The following OTUB2 variants were observed in gnomAD, a reference collection of about 807,000 sequenced individuals.
The protein encoded by OTUB2 is ubiquitin thioesterase OTUB2.
In OTUB2, 21 loss-of-function variants were observed where a neutral mutation model predicts 25.1. That is an observed-to-expected ratio of 0.84 (90% CI 0.59 to 1.21). OTUB2 has a LOEUF of 1.21. Ranked by LOEUF, OTUB2 falls within the 50% of genes most tolerant of loss-of-function variation. The probability of loss-of-function intolerance (pLI) is 0.00; values close to 1 mark genes in which losing one functional copy is unlikely to be tolerated. For synonymous variants in OTUB2, 122 were observed against 122.8 expected (o/e 0.99, Z 0.04); for missense variants, 283 against 298.0 (o/e 0.95, Z 0.37).
intron 2 of OTUB2, among the ~76,000 whole-genome samples, 187 bp from the exon 3 acceptor site, chr14:94,038,776 C>T (rs1885104942): frequency 6.6e-6 from 1 of 152,200 alleles, no homozygotes; most frequent in Admixed American, 6.5e-5. Context: ...GACGGACACA[C>T]AGGACAATGC....
chr14:94,026,674 C>T (rs1188606729), intron 1 of OTUB2, 134 bp downstream of exon 1: 2 of 969,034 alleles, frequency 2.1e-6, no homozygotes. Flanking sequence ...CCGCCGCTTT[C>T]CGACCCCCTG....
intron 1 of OTUB2, among the ~76,000 whole-genome samples, chr14:94,033,855 T>TA (rs1386652791): frequency 6.6e-6 from 1 of 152,194 alleles, no homozygotes; most frequent in African/African-American, 2.4e-5. Context: ...TAGCACGCAG[T>TA]ATGAGGGCCA....
At position 94,047,725 on chromosome 14, in the gene OTUB2, C is replaced by G. The variant is rs927214429; in HGVS notation, c.*1803C>G. 6.6e-6 allele frequency: 1 copy of G among 152,244 alleles called. No homozygotes were observed. The highest frequency in any genetic ancestry group is 2.4e-5 in the African/African-American group (1 of 41,452). 9.4% of individuals were successfully genotyped at this position (152,244 alleles called of 1,614,324 possible). On this transcript the variant is annotated 3_prime_UTR_variant, in exon 6 of 6. Transcript: ENST00000203664. ...GGCTGTAAGGTGGGCTCTGGGCCTT[C>G]CAGCTAGGCTCTCAAGCACAGCAGA... is the stretch of plus-strand genomic sequence containing the variant.
At chr14:94,044,400 A>C (rs1183551442) in intron 4 of OTUB2, among the ~76,000 whole-genome samples, 186 bp from the exon 5 acceptor site, 1 of 152,216 alleles carries the variant, frequency 6.6e-6, no homozygotes, top group Non-Finnish European at 1.5e-5. Flanking sequence ...TACAAACTGC[A>C]AAGTCTTGCT....
In OTUB2 at chr14:94,026,500, T is replaced by A; in HGVS notation, c.-38T>A. 3 of 1,310,494 alleles carry A rather than the reference T, an allele frequency of 2.3e-6. No individual in the cohort carries two copies. Among genetic ancestry groups the A allele is most frequent in the Non-Finnish European group, 2.9e-6 (3 of 1,023,440 alleles). 81.2% of individuals were successfully genotyped at this position (1,310,494 alleles called of 1,614,324 possible). On this transcript the variant is annotated 5_prime_UTR_variant, in exon 1 of 6. Transcript: ENST00000203664. The stretch of plus-strand genomic sequence containing the variant: ...CGGCATTCCCGCACCGGATCGCTCC[T>A]CGCTGGGGCGGGACCTGGCCTGGCG...
intron 1 of OTUB2, among the ~76,000 whole-genome samples, chr14:94,028,978 A>G (rs6575384): frequency 0.59 from 89,638 of 151,984 alleles, 28,557 homozygotes; most frequent in African/African-American, 0.85. Flanking sequence ...GGTCAAGAAT[A>G]GGGGATTTTG....
At position 94,048,714 on chromosome 14, in the gene OTUB2, C is replaced by T. The variant is rs1174979184; in HGVS notation, c.*2792C>T. 1 of 152,158 alleles carries T rather than the reference C, an allele frequency of 6.6e-6. No individual in the cohort carries two copies. The highest frequency in any genetic ancestry group is 1.9e-4 in the East Asian group (1 of 5,180). The allele number at this position is 152,158 out of a possible 1,614,324, so 9.4% of individuals were successfully genotyped here. A position where few individuals can be genotyped will look rare whatever the true frequency, so the allele number is the denominator to read the frequency against. ...GGGAAGCATGTCACCTTGGCAGTGA[C>T]TCGGTGGCTTCCCAAGCAGGAGTGT... On this transcript the variant is annotated 3_prime_UTR_variant, in exon 6 of 6. Transcript: ENST00000203664.
Position 94,048,852 on chromosome 14 carries a change from G to A in OTUB2, c.*2930G>A, listed in dbSNP as rs1186523045. ...GTGGCTTCCAGGGGCCCCAGGCCCT[G>A]CTGGATGTGGGCCAAGCCCTACAGC... is the stretch of plus-strand genomic sequence containing the variant. On this transcript the variant is annotated 3_prime_UTR_variant, in exon 6 of 6. Transcript: ENST00000203664. 6.6e-6 allele frequency: 1 copy of A among 152,290 alleles called. No individual in the cohort carries two copies. The allele number at this position is 152,290 out of a possible 1,614,324, so 9.4% of individuals were successfully genotyped here.
In OTUB2 at chr14:94,044,159, A is replaced by G. The variant is rs572634847; in HGVS notation, c.303+104A>G. ...CAGCTCTGCTCCTCCTGGCTGGGGA[A>G]GGACAGAGGGTTCCTTCCTGCTTGT... On this transcript the variant is annotated intron_variant, in intron 4 of 5. Coordinates refer to ENST00000203664, the MANE Select transcript of OTUB2 (RefSeq NM_023112.4). The G allele has an allele frequency of 7.5e-6, 9 of 1,194,328 alleles. 1 individual carries two copies. The South Asian group carries it at 9.8e-5, about 13-fold the overall frequency. 74.0% of individuals were successfully genotyped at this position (1,194,328 alleles called of 1,614,324 possible).
In OTUB2 at chr14:94,048,022, A is replaced by T. The variant is rs187511619; in HGVS notation, c.*2100A>T. 1 of 152,226 alleles carries T rather than the reference A, an allele frequency of 6.6e-6. No homozygotes were observed. The highest frequency in any genetic ancestry group is 1.5e-5 in the Non-Finnish European group (1 of 68,014). 9.4% of individuals were successfully genotyped at this position (152,226 alleles called of 1,614,324 possible). On this transcript the variant is annotated 3_prime_UTR_variant, in exon 6 of 6. Transcript: ENST00000203664. ...TCTGCTTTTCCCCTTTTTGCAAAAA[A>T]CCACTGGCCAAATCCGAACCATTGC...
intron 1 of OTUB2, among the ~76,000 whole-genome samples, chr14:94,035,912 A>C (rs1885047443): frequency 6.6e-6 from 1 of 152,186 alleles, no homozygotes; most frequent in Non-Finnish European, 1.5e-5. Flanking sequence ...ACCCCTGCCC[A>C]GTCCCAGCTT....
chr14:94,030,583 G>A (rs1386433216), intron 1 of OTUB2, among the ~76,000 whole-genome samples: 1 of 151,798 alleles, frequency 6.6e-6, no homozygotes, highest in Admixed American at 6.6e-5. Flanking sequence ...ACCCGGGGGG[G>A]AAGCCTCAGT....
At chr14:94,027,159 G>A (rs1217018094) in intron 1 of OTUB2, among the ~76,000 whole-genome samples, 1 of 152,260 alleles carries the variant, frequency 6.6e-6, no homozygotes, top group Non-Finnish European at 1.5e-5. Context: ...AGCCTTGTCT[G>A]CGCAGAACGA....
chr14:94,026,752 G>A (rs927518353), intron 1 of OTUB2, among the ~76,000 whole-genome samples: 1 of 152,150 alleles, frequency 6.6e-6, no homozygotes, highest in Non-Finnish European at 1.5e-5. Flanking sequence ...ATGTGCAGCT[G>A]AGGAGGTCCA....
intron 5 of OTUB2, 22 bp downstream of exon 5, chr14:94,044,802 C>A: frequency 6.3e-7 from 1 of 1,597,406 alleles, no homozygotes; most frequent in Admixed American, 1.7e-5. Flanking sequence ...GGGTCTCAGC[C>A]CCAGCCCTGG....
At chr14:94,041,601 A>G (rs1885162822) in intron 3 of OTUB2, among the ~76,000 whole-genome samples, 1 of 152,000 alleles carries the variant, frequency 6.6e-6, no homozygotes, top group African/African-American at 2.4e-5. Context: ...CCCAAGCTTG[A>G]AATATGCCCC....
chr14:94,044,834 C>A, intron 5 of OTUB2, 54 bp downstream of exon 5: 1 of 1,536,280 alleles, frequency 6.5e-7, no homozygotes, highest in African/African-American at 1.4e-5. Context: ...GTGGCCCTGT[C>A]CTGCAGACTT....
rs1885305929 is a variant in OTUB2, at chr14:94,047,644, T to A, written c.*1722T>A. On this transcript the variant is annotated 3_prime_UTR_variant, in exon 6 of 6. Transcript: ENST00000203664. Reference sequence around the variant, plus strand: ...CTCCAGGGGATCCCTGTTTCCCAACTGAAAGGTGTGAACGGACACACACAC... The same window carrying A: ...CTCCAGGGGATCCCTGTTTCCCAACAGAAAGGTGTGAACGGACACACACAC... 1 of 152,236 alleles carries A rather than the reference T, an allele frequency of 6.6e-6. No individual in the cohort carries two copies. The highest frequency in any genetic ancestry group is 1.5e-5 in the Non-Finnish European group (1 of 68,050). 9.4% of individuals were successfully genotyped at this position (152,236 alleles called of 1,614,324 possible).
At chr14:94,031,497 C>T (rs747283815) in intron 1 of OTUB2, among the ~76,000 whole-genome samples, 2 of 152,060 alleles carry the variant, frequency 1.3e-5, no homozygotes, top group Middle Eastern at 6.8e-3. Flanking sequence ...AGGTGGGGCT[C>T]GGTACATGGA....
Sources: gnomAD v4.1 joint callset for allele counts (sites outside exome capture counted in the v4.1 genomes callset) on GRCh38, gnomAD v4.1.1 for gene constraint, MANE v1.5 for transcripts, NCBI Gene and HGNC (gene_info 2026-07-23, HGNC 2026-07-21) for gene names.